Variants in DIAPH2 observed in about 807,000 individuals in gnomAD.
DIAPH2 encodes diaphanous related formin 2.
In DIAPH2, 35 loss-of-function variants were observed where a neutral mutation model predicts 92.7. That is an observed-to-expected ratio of 0.38 (90% confidence interval 0.29 to 0.50). The LOEUF (loss-of-function observed/expected upper bound fraction) is 0.50. DIAPH2 is among the 20% of genes least tolerant of loss of function. The pLI, the probability that DIAPH2 is intolerant of heterozygous loss-of-function variation, is 0.94. For missense variants in DIAPH2, 701 were observed against 819.5 expected (o/e 0.86, Z 1.77); for synonymous variants, 301 against 280.4 (o/e 1.07, Z -0.73).
chrX:97,379,807 A>C (rs894543105), intron 24 of DIAPH2, among the ~76,000 whole-genome samples: 1 of 111,673 alleles, frequency 9.0e-6, no homozygotes. Context: ...GTGGTGGTTT[A>C]TGTTTTCAAA....
intron 22 of DIAPH2, among the ~76,000 whole-genome samples, chrX:97,159,800 CAG>C (rs1258049427): frequency 3.6e-5 from 4 of 111,645 alleles, no homozygotes; most frequent in African/African-American, 9.8e-5. Context: ...AAAATTAAAA[CAG>C]AGTAAAGAAT....
intron 17 of DIAPH2, among the ~76,000 whole-genome samples, chrX:96,975,304 A>G (rs1478199189): frequency 1.8e-5 from 2 of 111,881 alleles, no homozygotes; most frequent in Middle Eastern, 4.6e-3. Flanking sequence ...ACAGTCTTCT[A>G]TATTTAGTGA....
chrX:97,215,826 G>A (rs1374479761), intron 22 of DIAPH2, among the ~76,000 whole-genome samples: 1 of 112,183 alleles, frequency 8.9e-6, no homozygotes, highest in African/African-American at 3.2e-5. Context: ...GAGAATGTAC[G>A]TGTACTGTTG....
At chrX:96,822,180 G>GC (rs1439645628) in intron 4 of DIAPH2, among the ~76,000 whole-genome samples, 1 of 110,925 alleles carries the variant, frequency 9.0e-6, no homozygotes, top group Non-Finnish European at 1.9e-5. Flanking sequence ...AGACCTTCTG[G>GC]CCACAAGAAA....
chrX:97,520,934 A>G (rs763719346), intron 26 of DIAPH2, among the ~76,000 whole-genome samples: 1 of 112,201 alleles, frequency 8.9e-6, no homozygotes, highest in East Asian at 2.8e-4. Context: ...CTTTGTGTTC[A>G]TTTATGAAAC....
At chrX:97,247,672 C>T (rs1194494282) in intron 22 of DIAPH2, 43 bp from the exon 23 acceptor site, 1 of 1,123,578 alleles carries the variant, frequency 8.9e-7, no homozygotes, top group Non-Finnish European at 1.2e-6. Flanking sequence ...TTTTGTGGAA[C>T]ACTTGGTAAA....
At chrX:97,075,397 G>A (rs2066698597) in intron 19 of DIAPH2, 136 bp downstream of exon 19, 2 of 353,333 alleles carry the variant, frequency 5.7e-6, no homozygotes, top group African/African-American at 5.3e-5. Flanking sequence ...ATAAAATCAG[G>A]AATATCTAGC....
At chrX:97,449,906 G>T (rs1272387217) in intron 26 of DIAPH2, among the ~76,000 whole-genome samples, 1 of 110,393 alleles carries the variant, frequency 9.1e-6, no homozygotes, top group African/African-American at 3.3e-5. Flanking sequence ...ATTGGCTATG[G>T]TATTTATCAT....
intron 21 of DIAPH2, among the ~76,000 whole-genome samples, chrX:97,136,741 C>G (rs1228634090): frequency 9.0e-6 from 1 of 111,197 alleles, no homozygotes; most frequent in Non-Finnish European, 1.9e-5. Flanking sequence ...ATACAACATT[C>G]TTTTAATCAT....
chrX:96,684,946 C>A lies in DIAPH2; in HGVS notation c.-113C>A. On this transcript the variant is annotated 5_prime_UTR_variant, in exon 1 of 27. Coordinates refer to ENST00000324765, the MANE Select transcript of DIAPH2 (RefSeq NM_006729.5). ...GCAGCTTCCCGGGCAGACACTCTCT[C>A]CCTCAGGAAGAGGTGCCGCCGAGTC... The A allele has an allele frequency of 1.2e-6, 1 of 862,951 alleles. No individual in the cohort carries two copies. The highest frequency in any genetic ancestry group is 1.5e-6 in the Non-Finnish European group (1 of 679,780). 71.1% of individuals were successfully genotyped at this position (862,951 alleles called of 1,213,427 possible).
At chrX:96,733,648 G>C (rs753188267) in intron 1 of DIAPH2, among the ~76,000 whole-genome samples, 1 of 111,973 alleles carries the variant, frequency 8.9e-6, no homozygotes, top group East Asian at 2.8e-4. Flanking sequence ...CACTTTGTCA[G>C]CTGTGTTCAA....
intron 4 of DIAPH2, among the ~76,000 whole-genome samples, chrX:96,844,928 A>C (rs2064961249): frequency 8.9e-6 from 1 of 112,251 alleles, no homozygotes; most frequent in Non-Finnish European, 1.9e-5. Flanking sequence ...TGGTTATGAA[A>C]TATGAAAAAT....
intron 4 of DIAPH2, among the ~76,000 whole-genome samples, chrX:96,854,761 A>G (rs2065029528): frequency 9.5e-6 from 1 of 105,076 alleles, no homozygotes; most frequent in Non-Finnish European, 2.0e-5. Context: ...ACAGTGCAAG[A>G]TTTCATCATG....
intron 17 of DIAPH2, among the ~76,000 whole-genome samples, chrX:97,062,348 T>C (rs1036965409): frequency 8.9e-6 from 1 of 112,216 alleles, no homozygotes; most frequent in African/African-American, 3.2e-5. Flanking sequence ...TGTTGTGTTA[T>C]GTACTACAGA....
chrX:96,871,557 A>G (rs1220108561), intron 4 of DIAPH2, among the ~76,000 whole-genome samples: 2 of 109,788 alleles, frequency 1.8e-5, no homozygotes. Flanking sequence ...TAATTCCAAA[A>G]TAGAGGTAAC....
At chrX:96,732,004 T>C (rs1015644571) in intron 1 of DIAPH2, among the ~76,000 whole-genome samples, 16 of 110,995 alleles carry the variant, frequency 1.4e-4, no homozygotes, top group African/African-American at 5.2e-4. Context: ...ATAAAGATTT[T>C]TGGGGGGGTC....
At chrX:97,167,097 TCTC>T (rs2067417877) in intron 22 of DIAPH2, among the ~76,000 whole-genome samples, 1 of 111,964 alleles carries the variant, frequency 8.9e-6, no homozygotes, top group African/African-American at 3.2e-5. Context: ...ACTTAGCCAT[TCTC>T]CTGTCAATGT....
chrX:96,961,744 A>G (rs1602666861), intron 16 of DIAPH2, among the ~76,000 whole-genome samples: 1 of 109,731 alleles, frequency 9.1e-6, no homozygotes, highest in South Asian at 3.8e-4. Flanking sequence ...ACATTAATAC[A>G]TTTTTTAATT....
chrX:97,045,021 G>A (rs1222275283), intron 17 of DIAPH2, among the ~76,000 whole-genome samples: 1 of 111,429 alleles, frequency 9.0e-6, no homozygotes, highest in South Asian at 3.7e-4. Context: ...TATGATATTG[G>A]TTCTCATGAC....
Sources: allele counts gnomAD v4.1 joint callset (sites outside exome capture counted in the v4.1 genomes callset), GRCh38; gene constraint gnomAD v4.1.1; transcripts MANE v1.5; gene names NCBI Gene and HGNC (gene_info 2026-07-23, HGNC 2026-07-21).